HCFC1: variants seen among roughly 807,000 people sequenced by gnomAD.
HCFC1 encodes the protein host cell factor C1.
HCFC1 carries 7 observed loss-of-function variants against 105.5 expected under a neutral mutation model. The ratio of observed to expected loss-of-function variants is 0.07; its 90% confidence interval spans 0.04 to 0.12. The LOEUF is 0.12. HCFC1 is among the 10% of genes least tolerant of loss of function. HCFC1 has a pLI of 1.00. For synonymous variants in HCFC1, 918 were observed against 828.1 expected (o/e 1.11, Z -1.86); for missense variants, 1,065 against 1,823.6 (o/e 0.58, Z 7.58).
At chrX:153,952,323 T>C (rs2065321461) in intron 19 of HCFC1, among the ~76,000 whole-genome samples, 165 bp from the exon 20 acceptor site, 1 of 113,751 alleles carries the variant, frequency 8.8e-6, no homozygotes, top group Admixed American at 9.2e-5. Context: ...TCCCAGGCGC[T>C]AACCCCAGCC....
chrX:153,970,579 GAA>G, intron 1 of HCFC1, 67 bp downstream of exon 1: 8 of 771,819 alleles, frequency 1.0e-5, no homozygotes, highest in Non-Finnish European at 1.5e-5. Context: ...AGGGAGGGAG[GAA>G]AGAGGAGGGA....
chrX:153,963,201 C>T, intron 4 of HCFC1, 24 bp downstream of exon 4: 1 of 1,159,428 alleles, frequency 8.6e-7, no homozygotes, highest in Non-Finnish European at 1.2e-6. Context: ...CCCATGGCTG[C>T]TGGGGTGCTA....
intron 18 of HCFC1, among the ~76,000 whole-genome samples, chrX:153,953,357 T>G (rs1372692461): frequency 8.9e-6 from 1 of 111,749 alleles, no homozygotes; most frequent in Non-Finnish European, 1.9e-5. Context: ...CGCCATGTCT[T>G]ATACAGGCTG....
In HCFC1 at chrX:153,955,335, C is replaced by T; in HGVS notation, c.3064G>A (p.Glu1022Lys). The T allele has an allele frequency of 3.3e-6, 4 of 1,211,823 alleles. No individual in the cohort carries two copies. The highest frequency in any genetic ancestry group is 4.5e-6 in the Non-Finnish European group (4 of 895,349). ...VCSNPPCETHETGTTNTATTT... is the reference protein window; with the variant it reads ...VCSNPPCETHKTGTTNTATTT... ...GTGGCCGTGTTGGTGGTGCCAGTCTCGTGGGTCTCACAGGGTGGGTTGGAG... is the reference window on the plus strand; with the variant it reads ...GTGGCCGTGTTGGTGGTGCCAGTCTTGTGGGTCTCACAGGGTGGGTTGGAG... The change falls in exon 17 of 26, where the codon GAG becomes AAG. Residue 1022 changes from glutamate to lysine, a missense_variant. By Grantham distance (56) the Glu-to-Lys change is moderately conservative (BLOSUM62 1). This residue lies in a region of HCFC1 where 546 missense variants were observed against 599.9 expected (regional missense o/e 0.91). Coordinates refer to ENST00000310441, the MANE Select transcript of HCFC1 (RefSeq NM_005334.3).
In HCFC1 at chrX:153,960,221, T is replaced by C. The variant is rs1162928939; in HGVS notation, c.1084+14A>G. 4 of 1,186,253 alleles carry C rather than the reference T, an allele frequency of 3.4e-6. No homozygotes were observed. Among genetic ancestry groups the C allele is most frequent in the South Asian group, 1.9e-5 (1 of 53,700 alleles). ...AGGCTATGGGAGGAGGGGAGTCGGC[T>C]GGGCCGGGCCTACCTGTCTCTAGGT... On this transcript the variant is annotated intron_variant, in intron 7 of 25. Coordinates refer to ENST00000310441, the MANE Select transcript of HCFC1 (RefSeq NM_005334.3).
rs782269381 is a variant in HCFC1 at position 153,947,621 on chromosome X, T to C, written c.*1726A>G. Reference sequence around the variant, plus strand: ...AAAACGACATCGCACTATGGTAATATTGAGTCACAGGGGTTACTCTACAAT... The same window carrying C: ...AAAACGACATCGCACTATGGTAATACTGAGTCACAGGGGTTACTCTACAAT... On this transcript the variant is annotated 3_prime_UTR_variant, in exon 26 of 26. Coordinates refer to ENST00000310441, the MANE Select transcript of HCFC1 (RefSeq NM_005334.3). The C allele has an allele frequency of 1.8e-5, 2 of 112,266 alleles. No individual in the cohort carries two copies. Among genetic ancestry groups the C allele is most frequent in the Non-Finnish European group, 3.8e-5 (2 of 53,173 alleles). 9.3% of individuals were successfully genotyped at this position (112,266 alleles called of 1,213,427 possible).
At chrX:153,966,733 G>A (rs1330650926) in intron 1 of HCFC1, among the ~76,000 whole-genome samples, 4 of 112,517 alleles carry the variant, frequency 3.6e-5, no homozygotes. Flanking sequence ...CCCCATCACT[G>A]ACTTGAAGCA....
chrX:153,964,090 C>CG, intron 3 of HCFC1, 34 bp downstream of exon 3: 1 of 1,164,017 alleles, frequency 8.6e-7, no homozygotes, highest in Non-Finnish European at 1.2e-6. Context: ...GCACACCCAC[C>CG]CGGGGGGTTC....
chrX:153,964,190 C>T lies in HCFC1; in HGVS notation c.437G>A (p.Gly146Asp). 1 of 1,208,112 alleles carries T rather than the reference C, an allele frequency of 8.3e-7. No individual in the cohort carries two copies. Among genetic ancestry groups the T allele is most frequent in the Non-Finnish European group, 1.1e-6 (1 of 892,985 alleles). Residue 146 changes from glycine (G) to aspartate (D), a missense_variant, in exon 3 of 26, where the codon GGC becomes GAC. Physicochemically the swap from Gly to Asp is moderately conservative, Grantham distance 94. Transcript: ENST00000310441. ...ACCCCCAAACAGGTAGCATTTGTTG[C>T]CCACAAGGGAGAAGCTGTGCCCGAG... ...PRLGHSFSLV[G>D]NKCYLFGGLA...
At chrX:153,964,089 C>A (rs781805198) in intron 3 of HCFC1, 35 bp downstream of exon 3, 2 of 1,162,512 alleles carry the variant, frequency 1.7e-6, no homozygotes, top group African/African-American at 1.8e-5. Context: ...AGCACACCCA[C>A]CCGGGGGGTT....
rs1369895218 is a variant in HCFC1 at position 153,956,695 on chromosome X, G to C, written c.2565C>G (p.Arg855=). The C allele has an allele frequency of 8.3e-7, 1 of 1,210,116 alleles. No individual in the cohort carries two copies. Among genetic ancestry groups the C allele is most frequent in the Non-Finnish European group, 1.1e-6 (1 of 895,205 alleles). Residue 855 remains arginine, a synonymous_variant, in exon 15 of 26, where the codon CGC becomes CGG. Coordinates refer to ENST00000310441, the MANE Select transcript of HCFC1 (RefSeq NM_005334.3). Reference sequence around the variant, plus strand: ...CGGAGACGGTGACGGGTGTGACCAGGCGAACACCCCCCATGGGCACAGTGC... The same window carrying C: ...CGGAGACGGTGACGGGTGTGACCAGCCGAACACCCCCCATGGGCACAGTGC... ...ILRTVPMGGV[R]LVTPVTVSAV... is the part of the protein sequence containing the mutation.
In HCFC1 at chrX:153,959,844, G is replaced by T; in HGVS notation, c.1402C>A (p.Pro468Thr). The T allele has an allele frequency of 8.4e-7, 1 of 1,184,256 alleles. No individual in the cohort carries two copies. The highest frequency in any genetic ancestry group is 1.9e-5 in the South Asian group (1 of 53,111). The part of the protein sequence containing the change: ...TTTIQVLPTV[P>T]GSSISVPTAA... ...GTGGGCACAGAAATGGAGCTGCCAGGCACCGTTGGCAAGACCTGGATGGTG... is the reference window on the plus strand; with the variant it reads ...GTGGGCACAGAAATGGAGCTGCCAGTCACCGTTGGCAAGACCTGGATGGTG... Residue 468 changes from proline to threonine, a missense_variant, in exon 8 of 26, where the codon CCT becomes ACT. Physicochemically the swap from Pro to Thr is conservative, Grantham distance 38. Coordinates refer to ENST00000310441, the MANE Select transcript of HCFC1 (RefSeq NM_005334.3).
In HCFC1 at chrX:153,960,317, C is replaced by T. The variant is rs782479454; in HGVS notation, c.1002G>A (p.Leu334=). The change falls in exon 7 of 26, where the codon CTG becomes CTA. Residue 334 remains leucine (L), a synonymous_variant. Transcript: ENST00000310441. ...GHCAVAINTR[L]YIWSGRDGYR... Reference sequence around the variant, plus strand: ...AGCCGTCACGCCCACTCCAAATGTACAGGCGGGTGTTGATGGCGACTGCGC... The same window carrying T: ...AGCCGTCACGCCCACTCCAAATGTATAGGCGGGTGTTGATGGCGACTGCGC... The T allele has an allele frequency of 1.1e-5, 13 of 1,198,038 alleles. No homozygotes were observed. Among genetic ancestry groups the T allele is most frequent in the Non-Finnish European group, 1.1e-5 (10 of 887,070 alleles).
intron 1 of HCFC1, 129 bp from the exon 2 acceptor site, chrX:153,964,855 A>C: frequency 1.6e-6 from 1 of 636,885 alleles, no homozygotes; most frequent in Non-Finnish European, 2.2e-6. Flanking sequence ...CGCTCTAGCA[A>C]CTCCAGCTGC....
chrX:153,962,802 C>T (rs1324987661), intron 4 of HCFC1, among the ~76,000 whole-genome samples: 2 of 111,553 alleles, frequency 1.8e-5, no homozygotes, highest in Non-Finnish European at 3.8e-5. Context: ...CCTGATACCA[C>T]CACCTGGTGA....
rs782758331 is a variant in HCFC1, at chrX:153,952,824, C to T, written c.4632G>A (p.Pro1544=). 2.4e-5 allele frequency: 29 copies of T among 1,195,024 alleles called. No individual in the cohort carries two copies. Among genetic ancestry groups the T allele is most frequent in the Middle Eastern group, 2.3e-4 (1 of 4,343 alleles). Residue 1544 remains proline (P), a synonymous_variant, in exon 19 of 26, where the codon CCG becomes CCA. Transcript: ENST00000310441. Reference sequence around the variant, plus strand: ...CTGTGCTGCTCAGATCCACGGCGGCCGGGAGCTCAGGGGTCTGGGAGGCTG... The same window carrying T: ...CTGTGCTGCTCAGATCCACGGCGGCTGGGAGCTCAGGGGTCTGGGAGGCTG... ...VLSASQTPEL[P]AAVDLSSTGE...
At position 153,949,564 on chromosome X, in the gene HCFC1, G is replaced by C. The variant is rs782425458; in HGVS notation, c.6057C>G (p.Ser2019=). Reference sequence around the variant, plus strand: ...GGCTTCCTGCTTACATTTCTGGAGAGGACATGGGCCGCTTGTTGGCTGGCT... The same window carrying C: ...GGCTTCCTGCTTACATTTCTGGAGACGACATGGGCCGCTTGTTGGCTGGCT... ...GTKPANKRPM[S]SPEMKSAPKK... The change falls in exon 25 of 26, where the codon TCC becomes TCG. Residue 2019 remains serine (S), a synonymous_variant. Transcript: ENST00000310441. 8.3e-7 allele frequency: 1 copy of C among 1,210,848 alleles called. No individual in the cohort carries two copies. The highest frequency in any genetic ancestry group is 2.2e-5 in the Admixed American group (1 of 46,132).
rs781801756 is a variant in HCFC1, at chrX:153,949,014, G to A, written c.*333C>T. The A allele has an allele frequency of 3.1e-5, 5 of 160,471 alleles. No homozygotes were observed. The highest frequency in any genetic ancestry group is 5.9e-5 in the Non-Finnish European group (5 of 85,337). The allele number at this position is 160,471 out of a possible 1,213,427, so 13.2% of individuals were successfully genotyped here. On this transcript the variant is annotated 3_prime_UTR_variant, in exon 26 of 26. Transcript: ENST00000310441. ...TGCCCCCGACCTGGCCCTCAGGAAC[G>A]CACAGCCTTGGGAGGGCGGAGCTGG...
chrX:153,964,411 C>T, intron 2 of HCFC1, 127 bp from the exon 3 acceptor site: 1 of 877,299 alleles, frequency 1.1e-6, no homozygotes, highest in South Asian at 2.6e-5. Flanking sequence ...GCAAGAAGGT[C>T]CTGGGTGTTG....
Sources: allele counts gnomAD v4.1 joint callset (sites outside exome capture counted in the v4.1 genomes callset), GRCh38; gene constraint gnomAD v4.1.1; regional missense constraint gnomAD v4.1.1; transcripts MANE v1.5; gene names NCBI Gene and HGNC (gene_info 2026-07-23, HGNC 2026-07-21).